Variants in PPP3R1 observed in about 807,000 individuals in gnomAD.
The protein encoded by PPP3R1 is protein phosphatase 3 regulatory subunit B, alpha.
Under a neutral mutation model 22.6 loss-of-function variants are expected in PPP3R1, and 5 were observed. That is an observed-to-expected ratio of 0.22 (90% CI 0.12 to 0.46). The LOEUF is 0.46. Ranked by LOEUF, PPP3R1 falls within the 20% of genes least tolerant of loss-of-function variation. The pLI, the probability that PPP3R1 is intolerant of heterozygous loss-of-function variation, is 0.99. For missense variants in PPP3R1, 61 were observed against 203.2 expected, an observed-to-expected ratio of 0.30 and a Z score of 4.25; for synonymous variants, 56 against 65.2, an observed-to-expected ratio of 0.86 and a Z score of 0.68.
intron 3 of PPP3R1, among the ~76,000 whole-genome samples, chr2:68,187,881 A>G (rs1198360609): frequency 2.0e-5 from 3 of 152,228 alleles, no homozygotes; most frequent in Non-Finnish European, 4.4e-5. Context: ...ACAAAAAAAA[A>G]AACTGGCTTG....
chr2:68,180,897 G>A lies in PPP3R1; in HGVS notation c.*66C>T, dbSNP rs770282462. 6.1e-5 allele frequency: 89 copies of A among 1,463,428 alleles called. No individual in the cohort carries two copies. The highest frequency in any genetic ancestry group is 1.7e-4 in the Middle Eastern group (1 of 5,798). 90.7% of individuals were successfully genotyped at this position (1,463,428 alleles called of 1,614,324 possible). A position where few individuals can be genotyped will look rare whatever the true frequency, so the allele number is the denominator to read the frequency against. ...AAATACACAGAGAGCATTGCTGGAC[G>A]TCTTGAGCAGATCTTCAGAGATGGA... On this transcript the variant is annotated 3_prime_UTR_variant, in exon 6 of 6. Coordinates refer to ENST00000234310, the MANE Select transcript of PPP3R1 (RefSeq NM_000945.4).
intron 2 of PPP3R1, among the ~76,000 whole-genome samples, chr2:68,207,603 T>C (rs890237891): frequency 6.6e-6 from 1 of 152,236 alleles, no homozygotes; most frequent in Non-Finnish European, 1.5e-5. Flanking sequence ...GAAAAGAATC[T>C]GTGAACTATG....
chr2:68,218,661 T>C (rs1444790061), intron 1 of PPP3R1, among the ~76,000 whole-genome samples: 1 of 152,006 alleles, frequency 6.6e-6, no homozygotes, highest in East Asian at 1.9e-4. Context: ...AAGTTAAGTA[T>C]GTTTCTTGCA....
chr2:68,222,783 G>A (rs1015224419), intron 1 of PPP3R1, among the ~76,000 whole-genome samples: 3 of 152,026 alleles, frequency 2.0e-5, no homozygotes, highest in Non-Finnish European at 2.9e-5. Context: ...TCTCCTACTG[G>A]TTATTTCTCT....
At chr2:68,186,745 A>G in intron 4 of PPP3R1, 93 bp from the exon 5 acceptor site, 3 of 1,139,542 alleles carry the variant, frequency 2.6e-6, no homozygotes, top group Non-Finnish European at 3.8e-6. Flanking sequence ...GACAAACATC[A>G]AAATTATGAC....
At chr2:68,220,178 C>T (rs888752187) in intron 1 of PPP3R1, among the ~76,000 whole-genome samples, 1 of 152,122 alleles carries the variant, frequency 6.6e-6, no homozygotes, top group Non-Finnish European at 1.5e-5. Flanking sequence ...AGCACAGGAA[C>T]AGAGAACAGA....
At chr2:68,210,994 A>C (rs964890462) in intron 2 of PPP3R1, among the ~76,000 whole-genome samples, 2 of 152,202 alleles carry the variant, frequency 1.3e-5, no homozygotes, top group African/African-American at 4.8e-5. Context: ...AATAAAGCGA[A>C]CTACATGAAT....
chr2:68,197,076 T>C (rs1674794002), intron 2 of PPP3R1, among the ~76,000 whole-genome samples: 1 of 152,198 alleles, frequency 6.6e-6, no homozygotes, highest in African/African-American at 2.4e-5. Context: ...TACCTTCAAA[T>C]GATGCATTAT....
chr2:68,190,755 G>A (rs72832015), intron 2 of PPP3R1, among the ~76,000 whole-genome samples: 81 of 152,176 alleles, frequency 5.3e-4, no homozygotes, highest in Admixed American at 1.8e-3. Flanking sequence ...TTGTTTTTAT[G>A]CTCCCCCTCA....
At chr2:68,194,400 A>G (rs1674727789) in intron 2 of PPP3R1, among the ~76,000 whole-genome samples, 1 of 152,106 alleles carries the variant, frequency 6.6e-6, no homozygotes. Flanking sequence ...AGTATTAAGA[A>G]CTTGCTTTTA....
chr2:68,211,044 A>G (rs1188979646), intron 2 of PPP3R1, among the ~76,000 whole-genome samples: 2 of 152,210 alleles, frequency 1.3e-5, no homozygotes, highest in Non-Finnish European at 2.9e-5. Context: ...ATATTTACGT[A>G]TTACTGTTGT....
At chr2:68,209,111 C>T (rs1229085634) in intron 2 of PPP3R1, among the ~76,000 whole-genome samples, 2 of 150,768 alleles carry the variant, frequency 1.3e-5, no homozygotes, top group South Asian at 2.1e-4. Flanking sequence ...GTAATCCCAG[C>T]ACTTTGGGAG....
chr2:68,218,778 A>G (rs1488395472), intron 1 of PPP3R1, among the ~76,000 whole-genome samples: 1 of 151,832 alleles, frequency 6.6e-6, no homozygotes, highest in Non-Finnish European at 1.5e-5. Context: ...GTGAAGGTAA[A>G]AAAGTGTTAT....
At chr2:68,196,985 A>G (rs924035842) in intron 2 of PPP3R1, among the ~76,000 whole-genome samples, 14 of 152,198 alleles carry the variant, frequency 9.2e-5, no homozygotes, top group Admixed American at 7.9e-4. Context: ...TTGGCCTCCC[A>G]AAGTGCTGGA....
intron 2 of PPP3R1, among the ~76,000 whole-genome samples, chr2:68,215,808 G>A (rs1669567832): frequency 6.6e-6 from 1 of 152,094 alleles, no homozygotes; most frequent in Admixed American, 6.6e-5. Flanking sequence ...TGAAGATGGA[G>A]GGGAAAGTGG....
At chr2:68,187,635 TA>T (rs796424815) in intron 3 of PPP3R1, among the ~76,000 whole-genome samples, 4 of 151,320 alleles carry the variant, frequency 2.6e-5, no homozygotes, top group Non-Finnish European at 4.4e-5. Flanking sequence ...CAAGGGGCTT[TA>T]AAAAAAAACC....
chr2:68,192,900 T>A (rs1674695772), intron 2 of PPP3R1, among the ~76,000 whole-genome samples: 1 of 152,144 alleles, frequency 6.6e-6, no homozygotes, highest in African/African-American at 2.4e-5. Flanking sequence ...AGTATAGATT[T>A]TATACCTCCA....
chr2:68,206,743 T>A (rs1334341452), intron 2 of PPP3R1, among the ~76,000 whole-genome samples: 1 of 152,206 alleles, frequency 6.6e-6, no homozygotes, highest in East Asian at 1.9e-4. Context: ...TTTCCCTTTT[T>A]CCCAGTGGCT....
chr2:68,198,279 A>G (rs563694735), intron 2 of PPP3R1, among the ~76,000 whole-genome samples: 71 of 145,926 alleles, frequency 4.9e-4, no homozygotes, highest in African/African-American at 1.7e-3. Flanking sequence ...ATGTGTATGC[A>G]TGTATGTGTA....
Sources: gnomAD v4.1 joint callset for allele counts (sites outside exome capture counted in the v4.1 genomes callset) on GRCh38, gnomAD v4.1.1 for gene constraint, MANE v1.5 for transcripts, NCBI Gene and HGNC (gene_info 2026-07-23, HGNC 2026-07-21) for gene names.